Variants in EPHA5 observed in about 807,000 individuals in gnomAD.
EPHA5 encodes EPH receptor A5, also known as ephrin type-A receptor 5.
In EPHA5, 60 loss-of-function variants were observed where a neutral mutation model predicts 105.0. The observed-to-expected ratio is 0.57, with a 90% confidence interval of 0.46 to 0.71. The LOEUF (loss-of-function observed/expected upper bound fraction) is 0.71, where lower values mean the gene tolerates loss of function less well. Among genes scored for constraint, EPHA5 ranks in the 30% least tolerant of loss-of-function variants. The pLI is 0.00. For synonymous variants in EPHA5, 513 were observed against 449.1 expected, an observed-to-expected ratio of 1.14 and a Z score of -1.80; for missense variants, 1,218 against 1,274.7, an observed-to-expected ratio of 0.96 and a Z score of 0.68.
chr4:65,417,813 T>C (rs1203554064), intron 6 of EPHA5, among the ~76,000 whole-genome samples: 1 of 152,164 alleles, frequency 6.6e-6, no homozygotes, highest in Non-Finnish European at 1.5e-5. Flanking sequence ...GAATAACTCT[T>C]TGTTGTAACA....
At chr4:65,553,821 T>C (rs532750697) in intron 3 of EPHA5, among the ~76,000 whole-genome samples, 1 of 152,156 alleles carries the variant, frequency 6.6e-6, no homozygotes, top group South Asian at 2.1e-4. Context: ...TGCCTAAAAA[T>C]TTAAATAACT....
chr4:65,626,449 A>T (rs560344148), intron 2 of EPHA5, among the ~76,000 whole-genome samples: 1 of 152,310 alleles, frequency 6.6e-6, no homozygotes, highest in South Asian at 2.1e-4. Context: ...TTAAATTCAG[A>T]GTTCAAATTT....
intron 14 of EPHA5, among the ~76,000 whole-genome samples, chr4:65,342,814 G>A (rs977223307): frequency 1.3e-5 from 2 of 151,764 alleles, no homozygotes; most frequent in African/African-American, 2.4e-5. Flanking sequence ...ATGAAACAAG[G>A]AATAGAAGGA....
At chr4:65,467,278 T>C (rs530906178) in intron 5 of EPHA5, among the ~76,000 whole-genome samples, 5 of 152,270 alleles carry the variant, frequency 3.3e-5, no homozygotes, top group Admixed American at 1.3e-4. Flanking sequence ...AACCAGTCAT[T>C]ATGATGATTA....
chr4:65,577,466 T>C (rs1741170747), intron 3 of EPHA5, among the ~76,000 whole-genome samples: 1 of 152,174 alleles, frequency 6.6e-6, no homozygotes, highest in African/African-American at 2.4e-5. Context: ...GTAGCTTATA[T>C]AGTAAGTTAC....
chr4:65,558,842 A>G (rs1196052287), intron 3 of EPHA5, among the ~76,000 whole-genome samples: 1 of 152,198 alleles, frequency 6.6e-6, no homozygotes, highest in African/African-American at 2.4e-5. Context: ...TCAAGATGCC[A>G]ATGCTTGCCC....
chr4:65,402,445 G>A (rs975550053), intron 8 of EPHA5, among the ~76,000 whole-genome samples: 5 of 151,972 alleles, frequency 3.3e-5, no homozygotes, highest in Admixed American at 3.3e-4. Flanking sequence ...GCCACATAAG[G>A]GTAAGTAAGA....
chr4:65,437,463 A>G (rs1410649830), intron 5 of EPHA5, among the ~76,000 whole-genome samples: 1 of 152,080 alleles, frequency 6.6e-6, no homozygotes, highest in Non-Finnish European at 1.5e-5. Flanking sequence ...CTTCACAAAT[A>G]GTAATAAAAG....
intron 2 of EPHA5, among the ~76,000 whole-genome samples, chr4:65,611,067 T>C (rs1744715544): frequency 6.6e-6 from 1 of 152,148 alleles, no homozygotes; most frequent in Non-Finnish European, 1.5e-5. Context: ...CAATTATATA[T>C]TATTTAAGAT....
intron 8 of EPHA5, among the ~76,000 whole-genome samples, chr4:65,380,663 T>C (rs1373396740): frequency 4.0e-5 from 6 of 151,776 alleles, no homozygotes; most frequent in African/African-American, 1.5e-4. Flanking sequence ...TAGAAAATAT[T>C]TTTATTTTAC....
At chr4:65,449,007 C>G (rs1726826975) in intron 5 of EPHA5, among the ~76,000 whole-genome samples, 1 of 151,952 alleles carries the variant, frequency 6.6e-6, no homozygotes, top group South Asian at 2.1e-4. Context: ...GTACAAATCA[C>G]ACAGAACAGA....
chr4:65,364,579 A>AAAT (rs929709809), intron 11 of EPHA5, among the ~76,000 whole-genome samples: 4 of 151,652 alleles, frequency 2.6e-5, no homozygotes, highest in African/African-American at 9.7e-5. Flanking sequence ...TATCTTTAAA[A>AAAT]AATGAATAAA....
chr4:65,429,348 A>T (rs1195813965), intron 5 of EPHA5, among the ~76,000 whole-genome samples: 1 of 151,974 alleles, frequency 6.6e-6, no homozygotes, highest in Admixed American at 6.6e-5. Flanking sequence ...TTTACAGGAA[A>T]TTAAGTAGTA....
At chr4:65,372,299 T>A (rs990440966) in intron 8 of EPHA5, among the ~76,000 whole-genome samples, 2 of 151,950 alleles carry the variant, frequency 1.3e-5, no homozygotes, top group African/African-American at 4.8e-5. Context: ...CTTATCCTCA[T>A]AAAATAAATA....
At chr4:65,498,734 A>G (rs777264157) in intron 3 of EPHA5, among the ~76,000 whole-genome samples, 2 of 151,834 alleles carry the variant, frequency 1.3e-5, no homozygotes, top group African/African-American at 4.8e-5. Flanking sequence ...CAGGACATGA[A>G]ATGTGTTGGA....
chr4:65,487,871 A>C (rs1731027894), intron 5 of EPHA5, among the ~76,000 whole-genome samples: 1 of 152,004 alleles, frequency 6.6e-6, no homozygotes, highest in Admixed American at 6.6e-5. Flanking sequence ...TGATCAATTG[A>C]CTCTCTCTGG....
intron 8 of EPHA5, among the ~76,000 whole-genome samples, chr4:65,398,787 T>G (rs1214610751): frequency 1.3e-5 from 2 of 152,092 alleles, no homozygotes; most frequent in Admixed American, 6.6e-5. Flanking sequence ...ACTCTGGGTC[T>G]CCTCTCCTGA....
At chr4:65,427,618 C>A (rs1724572660) in intron 5 of EPHA5, among the ~76,000 whole-genome samples, 2 of 152,068 alleles carry the variant, frequency 1.3e-5, no homozygotes, top group Admixed American at 6.5e-5. Context: ...CACTTCTTCA[C>A]AAAGGTGGAA....
intron 11 of EPHA5, among the ~76,000 whole-genome samples, chr4:65,356,489 A>G (rs1169846107): frequency 1.3e-5 from 2 of 151,528 alleles, no homozygotes; most frequent in Non-Finnish European, 3.0e-5. Flanking sequence ...TATTTGGGGA[A>G]AAAAAGGGAG....
Sources: gnomAD v4.1 joint callset for allele counts (sites outside exome capture counted in the v4.1 genomes callset) on GRCh38, gnomAD v4.1.1 for gene constraint, MANE v1.5 for transcripts, NCBI Gene and HGNC (gene_info 2026-07-23, HGNC 2026-07-21) for gene names.